The following UNC5C variants were observed in gnomAD, a reference collection of about 807,000 sequenced individuals.
UNC5C encodes netrin receptor UNC5C.
Under a neutral mutation model 99.8 loss-of-function variants are expected in UNC5C, and 47 were observed. The observed-to-expected ratio is 0.47, with a 90% CI of 0.37 to 0.60. The LOEUF (loss-of-function observed/expected upper bound fraction) is 0.60. Among genes scored for constraint, UNC5C ranks in the 20% least tolerant of loss-of-function variants. The probability of loss-of-function intolerance (pLI) is 0.00; values close to 1 mark genes in which losing one functional copy is unlikely to be tolerated. For missense variants in UNC5C, 1,062 were observed against 1,165.9 expected, an observed-to-expected ratio of 0.91 and a Z score of 1.30; for synonymous variants, 487 against 452.2, an observed-to-expected ratio of 1.08 and a Z score of -0.98.
At chr4:95,494,839 C>T (rs1263561628) in intron 1 of UNC5C, among the ~76,000 whole-genome samples, 2 of 151,032 alleles carry the variant, frequency 1.3e-5, no homozygotes, top group Non-Finnish European at 3.0e-5. Context: ...TGTAAGTAGC[C>T]AGAAGTAACT....
At chr4:95,367,369 G>A (rs1744606172) in intron 1 of UNC5C, among the ~76,000 whole-genome samples, 1 of 151,648 alleles carries the variant, frequency 6.6e-6, no homozygotes, top group Admixed American at 6.6e-5. Flanking sequence ...CTTAGAGACT[G>A]GGTTTCGCCA....
rs5860408 is a variant in UNC5C, at chr4:95,460,197, G to GTTTTTT, written c.124+88531_124+88536dup. On this transcript the variant is annotated intron_variant, in intron 1 of 15. Coordinates refer to ENST00000453304, the MANE Select transcript of UNC5C (RefSeq NM_003728.4). ...TGGTGGATGGAACTGTCCATGTGGT[G>GTTTTTT]TTTTTTTTTTTTTTGGTGTTTTTCG... is the stretch of plus-strand genomic sequence containing the variant. 6.3e-4 allele frequency among the ~76,000 whole-genome samples: 86 copies of GTTTTTT among 137,388 alleles called. 1 individual carries two copies. The highest frequency in any genetic ancestry group is 2.0e-3 in the African/African-American group (73 of 36,934). The allele number at this position is 137,388 out of a possible 152,430, so 90.1% of individuals were successfully genotyped here. A position where few individuals can be genotyped will look rare whatever the true frequency, so the allele number is the denominator to read the frequency against.
chr4:95,536,063 T>TAC (rs1273645398), intron 1 of UNC5C, among the ~76,000 whole-genome samples: 18 of 113,656 alleles, frequency 1.6e-4, no homozygotes, highest in Admixed American at 1.1e-3. Flanking sequence ...CATACATACA[T>TAC]ATATATATAT....
chr4:95,265,020 C>T (rs75618768), intron 4 of UNC5C, among the ~76,000 whole-genome samples: 56 of 152,204 alleles, frequency 3.7e-4, no homozygotes, highest in African/African-American at 1.2e-3. Context: ...ACCTGGGGAG[C>T]GCTTAAGCCA....
chr4:95,376,702 C>T (rs1744904847), intron 1 of UNC5C, among the ~76,000 whole-genome samples: 1 of 152,118 alleles, frequency 6.6e-6, no homozygotes, highest in Non-Finnish European at 1.5e-5. Context: ...GAATAGGCTG[C>T]AATTGTATCA....
chr4:95,197,506 CAGATGAAGTGAGAAGA>C (rs1405000594), intron 12 of UNC5C, among the ~76,000 whole-genome samples: 1 of 152,038 alleles, frequency 6.6e-6, no homozygotes, highest in Admixed American at 6.6e-5. Flanking sequence ...TCATCAGAGT[CAGATGAAGTGAGAAGA>C]GGCTGAAGTA....
At chr4:95,320,385 G>A (rs1269110678) in intron 2 of UNC5C, among the ~76,000 whole-genome samples, 2 of 129,462 alleles carry the variant, frequency 1.5e-5, no homozygotes, top group Non-Finnish European at 3.1e-5. Context: ...TCATGCCATT[G>A]TACTCCAGCC....
intron 1 of UNC5C, among the ~76,000 whole-genome samples, chr4:95,373,679 G>A (rs1744810507): frequency 1.3e-5 from 2 of 152,124 alleles, no homozygotes; most frequent in Non-Finnish European, 2.9e-5. Flanking sequence ...GGAAATAGCT[G>A]CTGAATAAGT....
intron 1 of UNC5C, among the ~76,000 whole-genome samples, chr4:95,506,318 T>G (rs1248675911): frequency 6.6e-6 from 1 of 152,056 alleles, no homozygotes; most frequent in Admixed American, 6.6e-5. Flanking sequence ...AGGATGTTGC[T>G]TTCTTATCTG....
chr4:95,385,545 T>G (rs1157083842), intron 1 of UNC5C, among the ~76,000 whole-genome samples: 2 of 152,204 alleles, frequency 1.3e-5, no homozygotes, highest in African/African-American at 2.4e-5. Context: ...AAGTAGATGG[T>G]TCTTCTGTTA....
Position 95,216,747 on chromosome 4 carries a change from G to A in UNC5C, c.1646-536C>T, listed in dbSNP as rs553912422. On this transcript the variant is annotated intron_variant, in intron 9 of 15. Coordinates refer to ENST00000453304, the MANE Select transcript of UNC5C (RefSeq NM_003728.4). ...TAGTTTAGTCACAGCAGGTCAAAGC[G>A]TTTCTAGTTAGTTGCTAATCGGTGC... Among the ~76,000 whole-genome samples, 215 of 152,350 alleles carry A rather than the reference G, an allele frequency of 1.4e-3. 2 individuals carry two copies. Among genetic ancestry groups the A allele is most frequent in the Non-Finnish European group, 1.2e-3 (79 of 68,038 alleles).
At chr4:95,309,313 T>C (rs1166825051) in intron 2 of UNC5C, among the ~76,000 whole-genome samples, 3 of 151,852 alleles carry the variant, frequency 2.0e-5, no homozygotes, top group Non-Finnish European at 4.4e-5. Context: ...ATATAAACCC[T>C]GAAACTGTAA....
chr4:95,466,272 C>T (rs889347898), intron 1 of UNC5C, among the ~76,000 whole-genome samples: 4 of 152,076 alleles, frequency 2.6e-5, no homozygotes, highest in African/African-American at 7.2e-5. Context: ...GGGGATACTG[C>T]CTTACCCAAA....
chr4:95,406,665 A>C (rs1745839843), intron 1 of UNC5C, among the ~76,000 whole-genome samples: 1 of 152,208 alleles, frequency 6.6e-6, no homozygotes, highest in South Asian at 2.1e-4. Context: ...TACTTCATTA[A>C]CAACGTTTAC....
At chr4:95,506,101 A>G (rs979852408) in intron 1 of UNC5C, among the ~76,000 whole-genome samples, 1 of 152,040 alleles carries the variant, frequency 6.6e-6, no homozygotes, top group African/African-American at 2.4e-5. Context: ...TTCATTATGA[A>G]ATCTCAATTT....
intron 12 of UNC5C, among the ~76,000 whole-genome samples, chr4:95,198,951 A>G (rs1467126527): frequency 6.6e-6 from 1 of 152,154 alleles, no homozygotes; most frequent in Admixed American, 6.5e-5. Context: ...TAACCCAGGG[A>G]GTATTAAGAA....
intron 9 of UNC5C, among the ~76,000 whole-genome samples, chr4:95,218,625 C>T (rs920511268): frequency 2.6e-5 from 4 of 152,116 alleles, no homozygotes; most frequent in African/African-American, 4.8e-5. Context: ...ATAATTAATT[C>T]GTCCTTTTAA....
At chr4:95,262,165 G>A (rs1200002783) in intron 4 of UNC5C, among the ~76,000 whole-genome samples, 3 of 152,196 alleles carry the variant, frequency 2.0e-5, no homozygotes, top group African/African-American at 4.8e-5. Flanking sequence ...TTGTAGTTGA[G>A]AAAATAAGGG....
chr4:95,198,593 A>G (rs887656078), intron 12 of UNC5C, among the ~76,000 whole-genome samples: 3 of 152,156 alleles, frequency 2.0e-5, no homozygotes, highest in African/African-American at 7.2e-5. Context: ...AAGTACTGGT[A>G]GGGCAGGATC....
Sources: gnomAD v4.1 joint callset for allele counts (sites outside exome capture counted in the v4.1 genomes callset) on GRCh38, gnomAD v4.1.1 for gene constraint, MANE v1.5 for transcripts, NCBI Gene and HGNC (gene_info 2026-07-23, HGNC 2026-07-21) for gene names.